The following ENOX1 variants were observed in gnomAD, a reference collection of about 807,000 sequenced individuals.
ENOX1 encodes candidate growth-related and time keeping constitutive hydroquinone (NADH) oxidase.
ENOX1 carries 42 observed loss-of-function variants against 82.5 expected under a neutral mutation model. That is an observed-to-expected ratio of 0.51 (90% CI 0.40 to 0.66). ENOX1 has a LOEUF of 0.66. Among genes scored for constraint, ENOX1 ranks in the 30% least tolerant of loss-of-function variants. The probability of loss-of-function intolerance (pLI) is 0.00; values close to 1 mark genes in which losing one functional copy is unlikely to be tolerated. For missense variants in ENOX1, 608 were observed against 811.6 expected, an observed-to-expected ratio of 0.75 and a Z score of 3.05; for synonymous variants, 271 against 282.2, an observed-to-expected ratio of 0.96 and a Z score of 0.40.
chr13:43,445,081 A>T (rs2056553716), intron 3 of ENOX1, among the ~76,000 whole-genome samples: 2 of 150,906 alleles, frequency 1.3e-5, no homozygotes, highest in South Asian at 4.2e-4. Context: ...TTCTGATTCT[A>T]TAGAACAATA....
intron 13 of ENOX1, among the ~76,000 whole-genome samples, chr13:43,267,479 G>T (rs1055062062): frequency 4.0e-4 from 61 of 152,226 alleles, no homozygotes; most frequent in African/African-American, 1.4e-3. Flanking sequence ...TTCCCAGCAC[G>T]GGGCAATCCT....
rs76610075 is a variant in ENOX1 at position 43,365,509 on chromosome 13, C to T, written c.209-4057G>A. On this transcript the variant is annotated intron_variant, in intron 5 of 16. Coordinates refer to ENST00000690772, the MANE Select transcript of ENOX1 (RefSeq NM_001347969.2). ...ACACAGGTCCAGGTGGGGCAGCTGC[C>T]CAGAGGACTCTGTCTACAGGTCACA... 1.9e-4 allele frequency among the ~76,000 whole-genome samples: 29 copies of T among 152,280 alleles called. No homozygotes were observed. The East Asian group carries it at 5.6e-3, about 29-fold the overall frequency.
At chr13:43,737,420 G>A (rs977489306) in intron 1 of ENOX1, among the ~76,000 whole-genome samples, 3 of 152,124 alleles carry the variant, frequency 2.0e-5, no homozygotes, top group Non-Finnish European at 4.4e-5. Flanking sequence ...CTCAGCAGTG[G>A]CAACAAATGC....
chr13:43,223,963 C>T lies in ENOX1; in HGVS notation c.1800+90G>A, dbSNP rs534462387. The T allele has an allele frequency of 1.8e-5, 17 of 954,016 alleles. 1 individual carries two copies. The highest frequency in any genetic ancestry group is 1.5e-5 in the Non-Finnish European group (9 of 600,008). 59.1% of individuals were successfully genotyped at this position (954,016 alleles called of 1,614,324 possible). A position where few individuals can be genotyped will look rare whatever the true frequency, so the allele number is the denominator to read the frequency against. On this transcript the variant is annotated intron_variant, in intron 16 of 16. Coordinates refer to ENST00000690772, the MANE Select transcript of ENOX1 (RefSeq NM_001347969.2). Reference sequence around the variant, plus strand: ...ATCAACCCCCATAGGCTGCTACAGCCCTAGTTCAGTTCATGCAGAGTCCAC... The same window carrying T: ...ATCAACCCCCATAGGCTGCTACAGCTCTAGTTCAGTTCATGCAGAGTCCAC...
intron 2 of ENOX1, among the ~76,000 whole-genome samples, chr13:43,571,391 A>G (rs2080170458): frequency 6.6e-6 from 1 of 152,068 alleles, no homozygotes. Context: ...TAAAACCTTA[A>G]AAGTAGGCCG....
chr13:43,426,261 G>A (rs1267624166), intron 3 of ENOX1, among the ~76,000 whole-genome samples: 1 of 152,182 alleles, frequency 6.6e-6, no homozygotes, highest in Non-Finnish European at 1.5e-5. Context: ...ATACAGATGA[G>A]AGAGAAAAAT....
intron 2 of ENOX1, among the ~76,000 whole-genome samples, chr13:43,575,470 C>G (rs536562133): frequency 6.6e-6 from 1 of 152,308 alleles, no homozygotes; most frequent in Admixed American, 6.5e-5. Context: ...CAACTACACT[C>G]TGGGCAGAGG....
chr13:43,406,088 A>G (rs2053777529), intron 5 of ENOX1, among the ~76,000 whole-genome samples: 1 of 152,224 alleles, frequency 6.6e-6, no homozygotes, highest in Non-Finnish European at 1.5e-5. Flanking sequence ...GGATTTAACA[A>G]ATCCCTCTTC....
chr13:43,661,555 A>T (rs995792070), intron 2 of ENOX1, among the ~76,000 whole-genome samples: 30 of 152,226 alleles, frequency 2.0e-4, no homozygotes, highest in Non-Finnish European at 4.0e-4. Flanking sequence ...ATTTCAAAAA[A>T]TGTAATCTGC....
At chr13:43,534,599 C>T (rs966401893) in intron 2 of ENOX1, among the ~76,000 whole-genome samples, 3 of 152,122 alleles carry the variant, frequency 2.0e-5, no homozygotes, top group Non-Finnish European at 4.4e-5. Context: ...TGCTTTTAGT[C>T]TCTTTGCAAA....
chr13:43,282,882 G>A (rs2045475123), intron 12 of ENOX1, among the ~76,000 whole-genome samples: 1 of 151,856 alleles, frequency 6.6e-6, no homozygotes, highest in Non-Finnish European at 1.5e-5. Flanking sequence ...CACGAGGTCA[G>A]GAGTTTGAGA....
intron 2 of ENOX1, among the ~76,000 whole-genome samples, chr13:43,496,325 A>G (rs879296119): frequency 6.6e-6 from 1 of 152,056 alleles, no homozygotes; most frequent in Admixed American, 6.6e-5. Flanking sequence ...TATGGTCTGA[A>G]GAAGGTGTTA....
chr13:43,423,048 G>C (rs2055067775), intron 3 of ENOX1, among the ~76,000 whole-genome samples: 1 of 152,148 alleles, frequency 6.6e-6, no homozygotes, highest in South Asian at 2.1e-4. Flanking sequence ...ATCCTCTGTG[G>C]GGAAGGGAGG....
chr13:43,751,399 C>T (rs1950307678), intron 1 of ENOX1, among the ~76,000 whole-genome samples: 1 of 152,156 alleles, frequency 6.6e-6, no homozygotes, highest in Non-Finnish European at 1.5e-5. Context: ...ACACAATAAA[C>T]TCCACACTTT....
At chr13:43,769,426 T>G (rs1951463662) in intron 1 of ENOX1, among the ~76,000 whole-genome samples, 2 of 152,124 alleles carry the variant, frequency 1.3e-5, no homozygotes, top group African/African-American at 4.8e-5. Flanking sequence ...AGTTAATTTT[T>G]TTTTTTACTA....
chr13:43,468,275 GGGTTCAAGCAATT>G, intron 3 of ENOX1, among the ~76,000 whole-genome samples: 1 of 151,132 alleles, frequency 6.6e-6, no homozygotes, highest in East Asian at 2.0e-4. Flanking sequence ...TCCGCCTCCT[GGGTTCAAGCAATT>G]CTCCTGCCTC....
At chr13:43,573,834 G>T (rs553029707) in intron 2 of ENOX1, among the ~76,000 whole-genome samples, 1 of 152,290 alleles carries the variant, frequency 6.6e-6, no homozygotes. Context: ...ATAAAAGTTT[G>T]AGGAGTTCAC....
Position 43,520,164 on chromosome 13 carries a change from C to G in ENOX1, c.-218-36012G>C, listed in dbSNP as rs140790347. On this transcript the variant is annotated intron_variant, in intron 2 of 16. Coordinates refer to ENST00000690772, the MANE Select transcript of ENOX1 (RefSeq NM_001347969.2). ...GCACTCTAGTTTAGAAATGTAACAG[C>G]ACTTCCTCATTACTGCATAGCTTGT... 7.6e-4 allele frequency among the ~76,000 whole-genome samples: 115 copies of G among 152,240 alleles called. No homozygotes were observed. The Middle Eastern group carries it at 0.01, about 14-fold the overall frequency.
chr13:43,291,269 T>A (rs2045983451), intron 12 of ENOX1, among the ~76,000 whole-genome samples: 1 of 152,224 alleles, frequency 6.6e-6, no homozygotes, highest in Admixed American at 6.5e-5. Context: ...CGGACTCTAC[T>A]GTTCTGTGTC....
Sources: allele counts gnomAD v4.1 joint callset (sites outside exome capture counted in the v4.1 genomes callset), GRCh38; gene constraint gnomAD v4.1.1; transcripts MANE v1.5; gene names NCBI Gene and HGNC (gene_info 2026-07-23, HGNC 2026-07-21).